The following SLC9B1 variants were observed in gnomAD, a reference collection of about 807,000 sequenced individuals.
The protein encoded by SLC9B1 is solute carrier family 9 member B1.
Under a neutral mutation model 51.7 loss-of-function variants are expected in SLC9B1, and 32 were observed. That is an observed-to-expected ratio of 0.62 (90% CI 0.47 to 0.83). The LOEUF is 0.83. SLC9B1 is among the 40% of genes least tolerant of loss of function. The pLI is 0.00. For missense variants in SLC9B1, 406 were observed against 613.2 expected (o/e 0.66, Z 3.57); for synonymous variants, 145 against 212.7 (o/e 0.68, Z 2.77).
chr4:102,897,491 T>C (rs1734595946), downstream of SLC9B1: 2 of 248,064 alleles, frequency 8.1e-6, no homozygotes, highest in African/African-American at 2.3e-5. Context: ...CAGTACAGTA[T>C]GTGCAAAGAA....
chr4:102,907,570 G>A (rs1460964643), intron 9 of SLC9B1, among the ~76,000 whole-genome samples: 1 of 152,218 alleles, frequency 6.6e-6, no homozygotes, highest in Non-Finnish European at 1.5e-5. Context: ...GCCTCCCAGT[G>A]CTACTTCCCC....
chr4:102,943,679 T>C (rs1382619354), intron 6 of SLC9B1, among the ~76,000 whole-genome samples: 31 of 151,980 alleles, frequency 2.0e-4, no homozygotes, highest in Admixed American at 2.0e-3. Context: ...GACTTATAAG[T>C]GGGAGTTATG....
At chr4:102,894,338 C>A (rs188750940) in intron 11 of SLC9B1, among the ~76,000 whole-genome samples, 25 of 152,246 alleles carry the variant, frequency 1.6e-4, no homozygotes, top group Admixed American at 9.8e-4. Flanking sequence ...TAAAGATTAT[C>A]TTGGAGGATC....
rs1343595163 is a variant in SLC9B1 at position 102,928,759 on chromosome 4, T to C, written c.829+3365A>G. ...AAGTTGAGGGGCAAGGAATCTAGTA[T>C]TGGCTCAGTCCGAGTCCCAAAACCT... On this transcript the variant is annotated intron_variant, in intron 7 of 11. Transcript: ENST00000296422. Among the ~76,000 whole-genome samples the C allele has an allele frequency of 2.0e-5, 3 of 152,118 alleles. No homozygotes were observed. In the South Asian group the frequency reaches 6.2e-4, roughly 32 times the overall value.
At chr4:103,011,410 C>T (rs533879988) in intron 1 of SLC9B1, among the ~76,000 whole-genome samples, 72 of 152,222 alleles carry the variant, frequency 4.7e-4, no homozygotes, top group Admixed American at 5.2e-4. Flanking sequence ...ACATGCCTGT[C>T]GCTCTCCCAG....
chr4:102,972,338 A>C (rs1578391797), intron 3 of SLC9B1, among the ~76,000 whole-genome samples: 1 of 152,200 alleles, frequency 6.6e-6, no homozygotes, highest in East Asian at 1.9e-4. Flanking sequence ...GGGTCAATAT[A>C]CACAAATCAA....
intron 3 of SLC9B1, among the ~76,000 whole-genome samples, chr4:102,978,618 C>T (rs913504232): frequency 2.6e-5 from 4 of 152,136 alleles, no homozygotes; most frequent in Non-Finnish European, 5.9e-5. Context: ...GATGAGATAC[C>T]ATCTCACACC....
intron 6 of SLC9B1, among the ~76,000 whole-genome samples, chr4:102,941,783 A>G (rs1227721434): frequency 6.6e-6 from 1 of 151,928 alleles, no homozygotes; most frequent in African/African-American, 2.4e-5. Flanking sequence ...CTTCTATTCA[A>G]CATAGTACTG....
intron 3 of SLC9B1, among the ~76,000 whole-genome samples, chr4:102,988,891 A>G (rs1739801633): frequency 6.6e-6 from 1 of 152,044 alleles, no homozygotes; most frequent in Non-Finnish European, 1.5e-5. Flanking sequence ...TTGGTAAATA[A>G]TACATTTCCC....
At chr4:103,017,564 T>A (rs372628424) in intron 1 of SLC9B1, among the ~76,000 whole-genome samples, 1 of 152,208 alleles carries the variant, frequency 6.6e-6, no homozygotes, top group African/African-American at 2.4e-5. Context: ...AGTTCTTTCC[T>A]TCCTTAGGGC....
chr4:102,895,035 A>G (rs903283538), intron 11 of SLC9B1, among the ~76,000 whole-genome samples: 15 of 152,222 alleles, frequency 9.9e-5, no homozygotes, highest in African/African-American at 3.6e-4. Flanking sequence ...ATTGGATTAA[A>G]TTATCTTAAA....
At chr4:102,896,248 C>T (rs573158928), downstream of SLC9B1, among the ~76,000 whole-genome samples, 2 of 152,124 alleles carry the variant, frequency 1.3e-5, no homozygotes, top group African/African-American at 4.8e-5. Context: ...TGAGTGGTGG[C>T]CCCCTTGCCT....
At chr4:102,930,032 T>C (rs1416865586) in intron 7 of SLC9B1, among the ~76,000 whole-genome samples, 1 of 152,190 alleles carries the variant, frequency 6.6e-6, no homozygotes, top group Non-Finnish European at 1.5e-5. Flanking sequence ...ATGCAGAATC[T>C]TGACAAATCA....
intron 1 of SLC9B1, among the ~76,000 whole-genome samples, chr4:103,008,821 A>G (rs1740936223): frequency 2.8e-5 from 3 of 107,818 alleles, no homozygotes; most frequent in South Asian, 2.9e-4. Flanking sequence ...TTTTTTTGAG[A>G]CGGAGTCTCG....
intron 3 of SLC9B1, among the ~76,000 whole-genome samples, chr4:102,985,228 C>T (rs369381600): frequency 1.1e-4 from 16 of 152,230 alleles, no homozygotes; most frequent in South Asian, 6.2e-4. Context: ...ACACATAGTT[C>T]GGTCTTATTT....
Position 102,939,718 on chromosome 4 carries a change from G to C in SLC9B1, c.653+5475C>G, listed in dbSNP as rs186419575. On this transcript the variant is annotated intron_variant, in intron 6 of 11. Coordinates refer to ENST00000296422, the MANE Select transcript of SLC9B1 (RefSeq NM_139173.4). The stretch of plus-strand genomic sequence containing the variant: ...AAGCTAGTCCACTATGATTAAGTAA[G>C]CTTTATCCCTGGGATGCAAGTTTGG... Among the ~76,000 whole-genome samples the C allele has an allele frequency of 4.0e-3, 605 of 152,338 alleles. 1 individual carries two copies. The highest frequency in any genetic ancestry group is 0.028 in the South Asian group (137 of 4,826).
intron 7 of SLC9B1, among the ~76,000 whole-genome samples, chr4:102,931,312 G>A (rs982803040): frequency 6.6e-6 from 1 of 151,628 alleles, no homozygotes; most frequent in Non-Finnish European, 1.5e-5. Flanking sequence ...GGAAGGGAAG[G>A]GGAAAGGAAA....
intron 7 of SLC9B1, among the ~76,000 whole-genome samples, chr4:102,919,213 C>T (rs753973832): frequency 6.6e-6 from 1 of 152,226 alleles, no homozygotes; most frequent in Non-Finnish European, 1.5e-5. Context: ...CAAATTTCTG[C>T]AGTCAGCTTG....
intron 3 of SLC9B1, among the ~76,000 whole-genome samples, chr4:102,974,252 A>AAAAT (rs1738936116): frequency 6.8e-6 from 1 of 146,782 alleles, no homozygotes; most frequent in African/African-American, 2.5e-5. Context: ...GAAAAAAAAA[A>AAAAT]AAAAAAAAAA....
Sources: allele counts gnomAD v4.1 joint callset (sites outside exome capture counted in the v4.1 genomes callset), GRCh38; gene constraint gnomAD v4.1.1; transcripts MANE v1.5; gene names NCBI Gene and HGNC (gene_info 2026-07-23, HGNC 2026-07-21).